Variants in FNBP4 observed in about 807,000 individuals in gnomAD.
The protein encoded by FNBP4 is formin binding protein 4, also known as formin-binding protein 4.
In FNBP4, 34 loss-of-function variants were observed where a neutral mutation model predicts 119.3. That is an observed-to-expected ratio of 0.28 (90% CI 0.22 to 0.38). The LOEUF is 0.38. Among genes scored for constraint, FNBP4 ranks in the 10% least tolerant of loss-of-function variants. The probability of loss-of-function intolerance (pLI) is 1.00; values close to 1 mark genes in which losing one functional copy is unlikely to be tolerated. For synonymous variants in FNBP4, 462 were observed against 430.6 expected (o/e 1.07, Z -0.90); for missense variants, 1,112 against 1,228.9 (o/e 0.90, Z 1.42).
In FNBP4 at chr11:47,724,692, T is replaced by A; in HGVS notation, c.2095A>T (p.Asn699Tyr). The A allele has an allele frequency of 6.2e-7, 1 of 1,613,834 alleles. No individual in the cohort carries two copies. Among genetic ancestry groups the A allele is most frequent in the Non-Finnish European group, 8.5e-7 (1 of 1,179,884 alleles). Reference protein sequence around the residue: ...LTPFWTLLQSNVPVLQPPLPL... With the variant: ...LTPFWTLLQSYVPVLQPPLPL... ...AATGGAGGTTGAAGCACAGGAACAT[T>A]TGACTGAAGGAGGGTCCAGAATGGA... is the stretch of plus-strand genomic sequence containing the variant. The change falls in exon 13 of 17, where the codon AAT becomes TAT. Residue 699 changes from asparagine (N) to tyrosine (Y), a missense_variant. Physicochemically the swap from Asn to Tyr is moderately radical, Grantham distance 143 (BLOSUM62 -2). Transcript: ENST00000263773.
At chr11:47,766,957 A>AGGCCTCGGAAGCC in intron 1 of FNBP4, 112 bp downstream of exon 1, 3 of 1,384,468 alleles carry the variant, frequency 2.2e-6, no homozygotes, top group East Asian at 3.0e-5. Context: ...CGCAGCAGGC[A>AGGCCTCGGAAGCC]GGCCTCGGAA....
chr11:47,722,162 T>C (rs2097556530), intron 15 of FNBP4, among the ~76,000 whole-genome samples: 1 of 148,616 alleles, frequency 6.7e-6, no homozygotes, highest in African/African-American at 2.5e-5. Context: ...TTTTTTTGTC[T>C]GTTTGATGTA....
Position 47,745,664 on chromosome 11 carries a change from C to T in FNBP4, c.1245+392G>A, listed in dbSNP as rs144538767. Among the ~76,000 whole-genome samples the T allele has an allele frequency of 9.5e-4, 145 of 152,228 alleles. 1 individual carries two copies. The highest frequency in any genetic ancestry group is 3.4e-3 in the African/African-American group (142 of 41,562). ...ACTCCCTGTTCTTACACCTCCTCCC[C>T]TTTTGAAACCCTTAATAAAAAACTT... On this transcript the variant is annotated intron_variant, in intron 7 of 16. Coordinates refer to ENST00000263773, the MANE Select transcript of FNBP4 (RefSeq NM_015308.5).
intron 2 of FNBP4, among the ~76,000 whole-genome samples, chr11:47,758,519 G>A (rs531747683): frequency 6.6e-6 from 1 of 152,166 alleles, no homozygotes; most frequent in South Asian, 2.1e-4. Flanking sequence ...ATAGGTGTGA[G>A]CCACCTCACC....
intron 7 of FNBP4, among the ~76,000 whole-genome samples, chr11:47,744,458 T>C (rs563582998): frequency 6.6e-6 from 1 of 151,982 alleles, no homozygotes; most frequent in African/African-American, 2.4e-5. Flanking sequence ...AGAGATGATA[T>C]CTGGGTATGT....
At chr11:47,730,648 C>T (rs1490977805) in intron 12 of FNBP4, among the ~76,000 whole-genome samples, 1 of 152,166 alleles carries the variant, frequency 6.6e-6, no homozygotes, top group Non-Finnish European at 1.5e-5. Context: ...CATATGCCAT[C>T]AGTTTAACAA....
chr11:47,753,735 G>A (rs1464041496), intron 3 of FNBP4, among the ~76,000 whole-genome samples: 1 of 152,048 alleles, frequency 6.6e-6, no homozygotes, highest in African/African-American at 2.4e-5. Flanking sequence ...GGCAGAGGTT[G>A]CAGTGGGCCA....
intron 4 of FNBP4, 25 bp from the exon 5 acceptor site, chr11:47,751,315 C>T (rs749948179): frequency 7.4e-6 from 12 of 1,613,112 alleles, no homozygotes; most frequent in Non-Finnish European, 1.0e-5. Flanking sequence ...AAATTTTAAG[C>T]ACAAATCCCT....
intron 12 of FNBP4, among the ~76,000 whole-genome samples, chr11:47,728,822 C>T (rs1371341820): frequency 4.6e-5 from 7 of 150,710 alleles, no homozygotes; most frequent in Non-Finnish European, 1.0e-4. Context: ...AGTCACTGCA[C>T]CTAAGAACCT....
intron 2 of FNBP4, among the ~76,000 whole-genome samples, chr11:47,757,595 G>A (rs1305217496): frequency 2.0e-5 from 3 of 152,050 alleles, no homozygotes; most frequent in African/African-American, 7.2e-5. Context: ...CAGGGTTCAT[G>A]CGATTCTCCT....
At position 47,731,359 on chromosome 11, in the gene FNBP4, G is replaced by A. The variant is rs202155160; in HGVS notation, c.2008+15C>T. ...AGTCATTTTGGCTGAATTAGTACAA[G>A]GTAAATTGTCTCACCTGTGGAAGTT... On this transcript the variant is annotated intron_variant, in intron 12 of 16. Coordinates refer to ENST00000263773, the MANE Select transcript of FNBP4 (RefSeq NM_015308.5). The A allele has an allele frequency of 1.2e-3, 1,971 of 1,591,912 alleles. 2 individuals are homozygous for A. Among genetic ancestry groups the A allele is most frequent in the Admixed American group, 1.8e-3 (101 of 54,830 alleles).
chr11:47,753,752 C>T (rs1315429436), intron 3 of FNBP4, among the ~76,000 whole-genome samples: 1 of 151,950 alleles, frequency 6.6e-6, no homozygotes, highest in Non-Finnish European at 1.5e-5. Flanking sequence ...GCCAACATCA[C>T]GCCACCACAT....
Position 47,750,898 on chromosome 11 carries a change from G to T in FNBP4, c.906+18C>A. 1 of 1,612,514 alleles carries T rather than the reference G, an allele frequency of 6.2e-7. No individual in the cohort carries two copies. Among genetic ancestry groups the T allele is most frequent in the Non-Finnish European group, 8.5e-7 (1 of 1,179,594 alleles). On this transcript the variant is annotated intron_variant, in intron 6 of 16. Coordinates refer to ENST00000263773, the MANE Select transcript of FNBP4 (RefSeq NM_015308.5). ...TTAGATCTGAAAATAAACAAATGAG[G>T]TAAGTTTCGACACTGACCTTTTTAA...
In FNBP4 at chr11:47,766,814, G is replaced by T. The variant is rs547106149; in HGVS notation, c.220+255C>A. Among the ~76,000 whole-genome samples, 8 of 152,276 alleles carry T rather than the reference G, an allele frequency of 5.3e-5. No homozygotes were observed. The South Asian group carries it at 1.7e-3, about 32-fold the overall frequency. ...GGGAGACTCAGGATGCCCGAACTTC[G>T]GTCATATTTCAAACGTTCCCGGGGC... On this transcript the variant is annotated intron_variant, in intron 1 of 16. Coordinates refer to ENST00000263773, the MANE Select transcript of FNBP4 (RefSeq NM_015308.5).
intron 15 of FNBP4, among the ~76,000 whole-genome samples, chr11:47,721,181 C>A (rs553491846): frequency 6.7e-6 from 1 of 149,288 alleles, no homozygotes; most frequent in South Asian, 2.1e-4. Flanking sequence ...ATAAGCCTGG[C>A]GTGGTGGTGG....
At chr11:47,755,906 T>C in intron 2 of FNBP4, among the ~76,000 whole-genome samples, 1 of 152,222 alleles carries the variant, frequency 6.6e-6, no homozygotes, top group East Asian at 1.9e-4. Flanking sequence ...AGATAGTATA[T>C]CTTGATTTTA....
intron 8 of FNBP4, among the ~76,000 whole-genome samples, chr11:47,741,446 T>C (rs958322489): frequency 6.6e-6 from 1 of 151,754 alleles, no homozygotes; most frequent in Non-Finnish European, 1.5e-5. Flanking sequence ...ATATTATTGT[T>C]TCTATGATTA....
chr11:47,734,187 G>T, intron 9 of FNBP4, 58 bp from the exon 10 acceptor site: 1 of 948,150 alleles, frequency 1.1e-6, no homozygotes, highest in Non-Finnish European at 1.6e-6. Flanking sequence ...TCTGTATTAT[G>T]TACAATCCTT....
chr11:47,733,359 C>T (rs1226804399), intron 10 of FNBP4, among the ~76,000 whole-genome samples: 3 of 151,182 alleles, frequency 2.0e-5, no homozygotes, highest in African/African-American at 7.3e-5. Flanking sequence ...TAGAGACGGA[C>T]TCGGACTCTG....
Sources: gnomAD v4.1 joint callset for allele counts (sites outside exome capture counted in the v4.1 genomes callset) on GRCh38, gnomAD v4.1.1 for gene constraint, MANE v1.5 for transcripts, NCBI Gene and HGNC (gene_info 2026-07-23, HGNC 2026-07-21) for gene names.